Variants in WDR17 observed in about 807,000 individuals in gnomAD.
WDR17 encodes WD repeat-containing protein 17.
Under a neutral mutation model 161.7 loss-of-function variants are expected in WDR17, and 143 were observed. That is an observed-to-expected ratio of 0.88 (90% CI 0.77 to 1.02). The LOEUF is 1.02. Ranked by LOEUF, WDR17 falls within the 50% of genes least tolerant of loss-of-function variation. The probability of loss-of-function intolerance (pLI) is 0.00; values close to 1 mark genes in which losing one functional copy is unlikely to be tolerated. For missense variants in WDR17, 1,469 were observed against 1,520.9 expected (o/e 0.97, Z 0.57); for synonymous variants, 517 against 515.6 (o/e 1.00, Z -0.04).
At chr4:176,066,651 AC>A in intron 1 of WDR17, among the ~76,000 whole-genome samples, 1 of 152,298 alleles carries the variant, frequency 6.6e-6, no homozygotes, top group East Asian at 1.9e-4. Context: ...AAAGGAACAA[AC>A]AATTTAAGGA....
At chr4:176,158,645 TTA>T (rs1224520976) in intron 18 of WDR17, among the ~76,000 whole-genome samples, 1 of 152,194 alleles carries the variant, frequency 6.6e-6, no homozygotes, top group African/African-American at 2.4e-5. Context: ...ATTGTTGATC[TTA>T]GTAAGAGCTG....
At chr4:176,170,967 G>A (rs1463576430) in intron 23 of WDR17, among the ~76,000 whole-genome samples, 2 of 152,106 alleles carry the variant, frequency 1.3e-5, no homozygotes, top group East Asian at 1.9e-4. Context: ...TTCCTTAAAC[G>A]TGCTCAGAAC....
intron 28 of WDR17, 117 bp downstream of exon 28, chr4:176,177,771 A>G: frequency 2.0e-6 from 2 of 1,016,378 alleles, no homozygotes; most frequent in African/African-American, 1.7e-5. Flanking sequence ...ACTGGGGTCC[A>G]GTAAGGAAAT....
At chr4:176,167,663 A>AC (rs1481860904) in intron 22 of WDR17, among the ~76,000 whole-genome samples, 6 of 134,766 alleles carry the variant, frequency 4.5e-5, no homozygotes, top group African/African-American at 1.1e-4. Flanking sequence ...AAAAAAAAAA[A>AC]AAAAAAAAAC....
intron 1 of WDR17, among the ~76,000 whole-genome samples, chr4:176,103,393 G>A: frequency 6.6e-6 from 1 of 152,022 alleles, no homozygotes; most frequent in Middle Eastern, 3.4e-3. Flanking sequence ...TCAACAAAAA[G>A]CCACAAGGCC....
chr4:176,150,464 TTAGCCTCCAG>T lies in WDR17; in HGVS notation c.2179-3_2185del. Reference sequence around the variant, plus strand: ...TCCATATTTATTTTTTGTCAACTCTTTAGCCTCCAGGTGGCAGTGACAATTTATGGAACTT... The same window carrying T: ...TCCATATTTATTTTTTGTCAACTCTTGTGGCAGTGACAATTTATGGAACTT... On this transcript the variant is annotated splice_acceptor_variant and splice_polypyrimidine_tract_variant and coding_sequence_variant and intron_variant, in exon 16 of 29. Coordinates refer to ENST00000508596, the MANE Select transcript of WDR17 (RefSeq NM_181265.4). LOFTEE classifies it high-confidence loss of function. 1 of 1,597,720 alleles carries T rather than the reference TTAGCCTCCAG, an allele frequency of 6.3e-7. No homozygotes were observed. The highest frequency in any genetic ancestry group is 1.2e-5 in the South Asian group (1 of 86,290).
In WDR17 at chr4:176,119,972, G is replaced by T. The variant is rs764463194; in HGVS notation, c.413G>T (p.Gly138Val). Reference sequence around the variant, plus strand: ...TGGACCATCTCAGGACCAGATAGTGGAGTGATTGTACACAAAGATGCTCAT... The same window carrying T: ...TGGACCATCTCAGGACCAGATAGTGTAGTGATTGTACACAAAGATGCTCAT... ...FIWTISGPDS[G>V]VIVHKDAHSF... Residue 138 changes from glycine to valine, a missense_variant, in exon 4 of 29, where the codon GGA (glycine) becomes GTA (valine). Transcript: ENST00000508596. The T allele has an allele frequency of 1.2e-6, 2 of 1,614,026 alleles. No individual in the cohort carries two copies. Among genetic ancestry groups the T allele is most frequent in the Non-Finnish European group, 1.7e-6 (2 of 1,179,992 alleles).
At chr4:176,160,878 TA>T in intron 19 of WDR17, 32 bp from the exon 20 acceptor site, 1 of 1,524,424 alleles carries the variant, frequency 6.6e-7, no homozygotes, top group Non-Finnish European at 8.9e-7. Context: ...AACAATTAGC[TA>T]AAGAATAATT....
chr4:176,142,302 T>C (rs1348368960), intron 11 of WDR17, among the ~76,000 whole-genome samples: 2 of 152,240 alleles, frequency 1.3e-5, no homozygotes, highest in African/African-American at 4.8e-5. Context: ...AAAAAAACTT[T>C]CTAATACTTA....
chr4:176,094,052 G>A (rs770803282), intron 1 of WDR17, among the ~76,000 whole-genome samples: 1 of 152,050 alleles, frequency 6.6e-6, no homozygotes, highest in Non-Finnish European at 1.5e-5. Context: ...CTAACTTGGT[G>A]ATGGCATGAT....
At chr4:176,104,183 T>G (rs1309309630) in intron 1 of WDR17, among the ~76,000 whole-genome samples, 1 of 152,014 alleles carries the variant, frequency 6.6e-6, no homozygotes, top group East Asian at 1.9e-4. Flanking sequence ...CTTTCAGAAG[T>G]GAGGGAGAAA....
chr4:176,071,330 C>CTCTT (rs1554013446), intron 1 of WDR17, among the ~76,000 whole-genome samples: 12 of 143,578 alleles, frequency 8.4e-5, no homozygotes, highest in Non-Finnish European at 1.2e-4. Flanking sequence ...TTTCTTTTCT[C>CTCTT]TTTTTTTTTT....
At chr4:176,145,888 AAG>A in intron 11 of WDR17, 105 bp from the exon 12 acceptor site, 1 of 1,057,824 alleles carries the variant, frequency 9.5e-7, no homozygotes, top group Non-Finnish European at 1.3e-6. Context: ...TAACTTCACT[AAG>A]GAAGCAAAAA....
chr4:176,147,623 G>GT (rs1401706926), intron 12 of WDR17, among the ~76,000 whole-genome samples: 1 of 152,004 alleles, frequency 6.6e-6, no homozygotes, highest in African/African-American at 2.4e-5. Flanking sequence ...TTAAATTACT[G>GT]TATCTGTATT....
At position 176,173,336 on chromosome 4, in the gene WDR17, G is replaced by A. The variant is rs201308930; in HGVS notation, c.3314G>A (p.Arg1105His). The A allele has an allele frequency of 6.8e-6, 11 of 1,612,736 alleles. No homozygotes were observed. Among genetic ancestry groups the A allele is most frequent in the South Asian group, 2.2e-5 (2 of 90,886 alleles). ...YPVLDLLSYIRTEKLLLHTCT... is the reference protein window; with the variant it reads ...YPVLDLLSYIHTEKLLLHTCT... ...GTTCTTGACCTACTGAGCTATATTCGTACTGAAAAATTACTCTTGCATACG... is the reference window on the plus strand; with the variant it reads ...GTTCTTGACCTACTGAGCTATATTCATACTGAAAAATTACTCTTGCATACG... The change falls in exon 25 of 29, where the codon CGT becomes CAT. Residue 1105 changes from arginine to histidine, a missense_variant. Arg to His is a conservative substitution (Grantham distance 29, BLOSUM62 0). Coordinates refer to ENST00000508596, the MANE Select transcript of WDR17 (RefSeq NM_181265.4).
At chr4:176,153,405 T>C (rs1445077576) in intron 17 of WDR17, among the ~76,000 whole-genome samples, 2 of 152,230 alleles carry the variant, frequency 1.3e-5, no homozygotes, top group Non-Finnish European at 2.9e-5. Flanking sequence ...GATGAATTTA[T>C]GCTTTTGCTA....
intron 22 of WDR17, among the ~76,000 whole-genome samples, chr4:176,167,235 A>G (rs1749901223): frequency 6.6e-6 from 1 of 152,212 alleles, no homozygotes; most frequent in Admixed American, 6.5e-5. Context: ...TTCACAAAGA[A>G]GATGAAGTGT....
intron 23 of WDR17, among the ~76,000 whole-genome samples, chr4:176,169,659 G>A (rs1268548655): frequency 6.6e-6 from 1 of 152,096 alleles, no homozygotes; most frequent in Non-Finnish European, 1.5e-5. Flanking sequence ...TTTATCCCTA[G>A]TGGGTGAGTA....
intron 4 of WDR17, among the ~76,000 whole-genome samples, chr4:176,123,382 A>G (rs1191969109): frequency 6.6e-6 from 1 of 152,068 alleles, no homozygotes; most frequent in East Asian, 1.9e-4. Flanking sequence ...TTCTGACACT[A>G]CCTGGAGATA....
Sources: gnomAD v4.1 joint callset for allele counts (sites outside exome capture counted in the v4.1 genomes callset) on GRCh38, gnomAD v4.1.1 for gene constraint, MANE v1.5 for transcripts, NCBI Gene and HGNC (gene_info 2026-07-23, HGNC 2026-07-21) for gene names.